ANKRD55: variants seen among roughly 807,000 people sequenced by gnomAD.
ANKRD55 encodes the protein ankyrin repeat domain 55.
Under a neutral mutation model 60.6 loss-of-function variants are expected in ANKRD55, and 41 were observed. That is an observed-to-expected ratio of 0.68 (90% CI 0.53 to 0.88). The LOEUF is 0.88. Ranked by LOEUF, ANKRD55 falls within the 40% of genes least tolerant of loss-of-function variation. The probability of loss-of-function intolerance (pLI) is 0.00; values close to 1 mark genes in which losing one functional copy is unlikely to be tolerated. For missense variants in ANKRD55, 732 were observed against 767.6 expected (o/e 0.95, Z 0.55); for synonymous variants, 264 against 290.3 (o/e 0.91, Z 0.92).
chr5:56,173,476 G>A (rs1197148530), intron 4 of ANKRD55, among the ~76,000 whole-genome samples: 1 of 151,170 alleles, frequency 6.6e-6, no homozygotes, highest in East Asian at 1.9e-4. Context: ...GGGATTACAG[G>A]CGTGAGCCAC....
At chr5:56,184,885 C>G (rs1011114319) in intron 2 of ANKRD55, among the ~76,000 whole-genome samples, 14 of 150,164 alleles carry the variant, frequency 9.3e-5, no homozygotes, top group African/African-American at 3.2e-4. Flanking sequence ...CAGAGTGAGA[C>G]CTTGTCTTAA....
intron 8 of ANKRD55, among the ~76,000 whole-genome samples, chr5:56,122,943 T>C (rs1691377902): frequency 6.6e-6 from 1 of 151,674 alleles, no homozygotes; most frequent in African/African-American, 2.4e-5. Context: ...TGTTTGTATT[T>C]TTTGTAGAGA....
chr5:56,204,458 A>G (rs183594007), intron 2 of ANKRD55, among the ~76,000 whole-genome samples: 8 of 152,294 alleles, frequency 5.3e-5, no homozygotes, highest in African/African-American at 1.7e-4. Flanking sequence ...CATAGTTTTA[A>G]GTCTAACATA....
chr5:56,111,452 G>A lies in ANKRD55; in HGVS notation c.1296C>T (p.Ile432=). The A allele has an allele frequency of 6.2e-7, 1 of 1,614,188 alleles. No individual in the cohort carries two copies. Residue 432 remains isoleucine, a synonymous_variant, in exon 10 of 12, where the codon ATC becomes ATT. Transcript: ENST00000341048. Reference sequence around the variant, plus strand: ...TGATGGGTGGGAGACTCTGCGTTCTGATTGGTGGAAGCCCCTTACGGGCCA... The same window carrying A: ...TGATGGGTGGGAGACTCTGCGTTCTAATTGGTGGAAGCCCCTTACGGGCCA... ...KPLARKGLPP[I]RTQSLPPITL...
At position 56,207,690 on chromosome 5, in the gene ANKRD55, T is replaced by G. The variant is rs1382051468; in HGVS notation, c.59-24056A>C. Among the ~76,000 whole-genome samples the G allele has an allele frequency of 2.6e-5, 4 of 152,194 alleles. No homozygotes were observed. In the East Asian group the frequency reaches 7.7e-4, roughly 29 times the overall value. Reference sequence around the variant, plus strand: ...CAAAAATATGGTATAGACGATAAAATGTGCTACACTAGTGTAGGGCACATA... The same window carrying G: ...CAAAAATATGGTATAGACGATAAAAGGTGCTACACTAGTGTAGGGCACATA... On this transcript the variant is annotated intron_variant, in intron 2 of 11. Transcript: ENST00000341048.
At chr5:56,131,669 G>A (rs1458202226) in intron 7 of ANKRD55, among the ~76,000 whole-genome samples, 2 of 151,452 alleles carry the variant, frequency 1.3e-5, no homozygotes, top group African/African-American at 2.4e-5. Flanking sequence ...GGTGGTGCGT[G>A]CCTGTGATCC....
At chr5:56,220,060 T>C (rs1235562174) in intron 2 of ANKRD55, among the ~76,000 whole-genome samples, 3 of 152,214 alleles carry the variant, frequency 2.0e-5, no homozygotes, top group African/African-American at 7.2e-5. Flanking sequence ...GAGAGCCTCC[T>C]GAAGCTGATC....
At chr5:56,130,614 G>A (rs1757383887) in intron 7 of ANKRD55, among the ~76,000 whole-genome samples, 1 of 151,978 alleles carries the variant, frequency 6.6e-6, no homozygotes, top group South Asian at 2.1e-4. Flanking sequence ...CATGCCAAAA[G>A]GTGAATAACA....
At chr5:56,209,872 G>C (rs1759618930) in intron 2 of ANKRD55, among the ~76,000 whole-genome samples, 1 of 152,172 alleles carries the variant, frequency 6.6e-6, no homozygotes. Flanking sequence ...CCTCTAGAAA[G>C]GTTGGACCAA....
chr5:56,122,644 GT>G (rs1270854359), intron 8 of ANKRD55, among the ~76,000 whole-genome samples: 4 of 152,000 alleles, frequency 2.6e-5, no homozygotes, highest in Non-Finnish European at 4.4e-5. Flanking sequence ...GGGTGACAGG[GT>G]GAGACTCTGT....
intron 2 of ANKRD55, among the ~76,000 whole-genome samples, chr5:56,214,454 A>G (rs922200936): frequency 6.6e-6 from 1 of 152,202 alleles, no homozygotes; most frequent in Non-Finnish European, 1.5e-5. Flanking sequence ...GATGGTTGTA[A>G]TCATCTTTAC....
rs1391880620 is a variant in ANKRD55, at chr5:56,100,272, C to T, written c.1756G>A (p.Val586Met). 1.2e-6 allele frequency: 2 copies of T among 1,614,150 alleles called. No individual in the cohort carries two copies. The change falls in exon 12 of 12, where the codon GTG becomes ATG. Residue 586 changes from valine (V) to methionine (M), a missense_variant. Around this residue, in one of 3 missense-constraint regions of ANKRD55, gnomAD observed 597 missense variants for 607.5 expected, o/e 0.98. Transcript: ENST00000341048. ...CGTTGACTTGGAATTGCAGGAAGCA[C>T]TCGGTTTGTCCGCAGAGGTTCTCCA... ...LSGEPLRTNR[V>M]LPAIPSQRRH...
intron 4 of ANKRD55, among the ~76,000 whole-genome samples, chr5:56,174,766 A>T (rs917347129): frequency 6.7e-6 from 1 of 148,154 alleles, no homozygotes; most frequent in Admixed American, 6.9e-5. Flanking sequence ...TGGGAGGCAG[A>T]GTCTGCAGTG....
At chr5:56,220,987 T>A (rs1396038713) in intron 2 of ANKRD55, among the ~76,000 whole-genome samples, 1 of 152,242 alleles carries the variant, frequency 6.6e-6, no homozygotes, top group Non-Finnish European at 1.5e-5. Context: ...AGGCAACATA[T>A]AATTTGCTTC....
intron 4 of ANKRD55, among the ~76,000 whole-genome samples, chr5:56,172,122 A>G (rs78396692): frequency 1.9e-5 from 2 of 103,798 alleles, no homozygotes; most frequent in Middle Eastern, 4.5e-3. Context: ...CTGTCTCAAG[A>G]AAAAAAAAAA....
rs545792328 is a variant in ANKRD55 at position 56,219,071 on chromosome 5, G to A, written c.58+13785C>T. Among the ~76,000 whole-genome samples the A allele has an allele frequency of 2.1e-3, 323 of 151,998 alleles. 3 individuals are homozygous for A. The highest frequency in any genetic ancestry group is 7.3e-3 in the African/African-American group (304 of 41,472). ...GCGGATCACTTGAGGTCAGGAGTTCGAGACCAGCCTGGCCAACATGGCAAA... is the reference window on the plus strand; with the variant it reads ...GCGGATCACTTGAGGTCAGGAGTTCAAGACCAGCCTGGCCAACATGGCAAA... On this transcript the variant is annotated intron_variant, in intron 2 of 11. Coordinates refer to ENST00000341048, the MANE Select transcript of ANKRD55 (RefSeq NM_024669.3).
At position 56,219,986 on chromosome 5, in the gene ANKRD55, G is replaced by C. The variant is rs553712565; in HGVS notation, c.58+12870C>G. On this transcript the variant is annotated intron_variant, in intron 2 of 11. Coordinates refer to ENST00000341048, the MANE Select transcript of ANKRD55 (RefSeq NM_024669.3). ...TCTGGCACTGTGGGGTTAGTGAGTA[G>C]AGATGACAGGAAGAGCTCAGCATGG... 8.5e-5 allele frequency among the ~76,000 whole-genome samples: 13 copies of C among 152,334 alleles called. No individual in the cohort carries two copies. The East Asian group carries it at 1.5e-3, about 18-fold the overall frequency.
At position 56,111,327 on chromosome 5, in the gene ANKRD55, C is replaced by G; in HGVS notation, c.1421G>C (p.Arg474Pro). 1 of 1,614,120 alleles carries G rather than the reference C, an allele frequency of 6.2e-7. No homozygotes were observed. Among genetic ancestry groups the G allele is most frequent in the Non-Finnish European group, 8.5e-7 (1 of 1,180,034 alleles). ...GTTATTTAATAAATCCTGCTCACTT[C>G]GACTTTTCTGAGATCGCTGGGCCAT... Reference protein sequence around the residue: ...HHMAQRSQKSRSEQDLLNNRT... With the variant: ...HHMAQRSQKSPSEQDLLNNRT... The change falls in exon 10 of 12, where the codon CGA (arginine) becomes CCA (proline). Residue 474 changes from arginine to proline, a missense_variant. Arg to Pro is a moderately radical substitution (Grantham distance 103, BLOSUM62 -2). This residue lies in a region of ANKRD55 where 597 missense variants were observed against 607.5 expected (regional missense o/e 0.98). Transcript: ENST00000341048.
At chr5:56,203,335 T>A (rs1314890850) in intron 2 of ANKRD55, among the ~76,000 whole-genome samples, 12 of 152,310 alleles carry the variant, frequency 7.9e-5, no homozygotes, top group East Asian at 1.9e-4. Flanking sequence ...ATGGTTTTTT[T>A]AAAATTTAAT....
Sources: allele counts gnomAD v4.1 joint callset (sites outside exome capture counted in the v4.1 genomes callset), GRCh38; gene constraint gnomAD v4.1.1; regional missense constraint gnomAD v4.1.1; transcripts MANE v1.5; gene names NCBI Gene and HGNC (gene_info 2026-07-23, HGNC 2026-07-21).